Variants in NR2C2 observed in about 807,000 individuals in gnomAD.
NR2C2 encodes Nuclear hormone receptor TR4.
NR2C2 carries 6 observed loss-of-function variants against 62.9 expected under a neutral mutation model. That is an observed-to-expected ratio of 0.10 (90% CI 0.05 to 0.19). NR2C2 has a LOEUF of 0.19. Ranked by LOEUF, NR2C2 falls within the 10% of genes least tolerant of loss-of-function variation. The pLI, the probability that NR2C2 is intolerant of heterozygous loss-of-function variation, is 1.00. For missense variants in NR2C2, 479 were observed against 762.7 expected (o/e 0.63, Z 4.38); for synonymous variants, 272 against 273.8 (o/e 0.99, Z 0.07).
At chr3:14,957,069 T>A (rs2039547749) in intron 1 of NR2C2, among the ~76,000 whole-genome samples, 1 of 152,246 alleles carries the variant, frequency 6.6e-6, no homozygotes, top group Non-Finnish European at 1.5e-5. Context: ...AAATCTTCAC[T>A]ATAACCTCAT....
chr3:14,994,452 T>TG lies in NR2C2; in HGVS notation c.-39-9424_-39-9423insG, dbSNP rs1332947085. 1.9e-3 allele frequency among the ~76,000 whole-genome samples: 273 copies of TG among 143,586 alleles called. 2 individuals carry two copies. Among genetic ancestry groups the TG allele is most frequent in the African/African-American group, 6.5e-3 (251 of 38,658 alleles). The allele number at this position is 143,586 out of a possible 152,430, so 94.2% of individuals were successfully genotyped here. A position where few individuals can be genotyped will look rare whatever the true frequency, so the allele number is the denominator to read the frequency against. ...TGTTTATTCATTCTTTTTTTTTTTT[T>TG]TTTTTTTTTGAGGCAGAGTCTCACC... On this transcript the variant is annotated intron_variant, in intron 1 of 13. Transcript: ENST00000425241.
At position 15,004,412 on chromosome 3, in the gene NR2C2, A is replaced by C. The variant is rs2041108702; in HGVS notation, c.72+426A>C. ...TATTTGCCTCACGAAGTTATTATGA[A>C]GAATCAAAGGGATATTGCTTATAAA... On this transcript the variant is annotated intron_variant, in intron 2 of 13. Coordinates refer to ENST00000425241, the MANE Select transcript of NR2C2 (RefSeq NM_001291694.2). The C allele has an allele frequency of 4.2e-6, 3 of 716,130 alleles. No homozygotes were observed. The East Asian group carries it at 9.3e-5, about 22-fold the overall frequency. The allele number at this position is 716,130 out of a possible 1,614,324, so 44.4% of individuals were successfully genotyped here. A position where few individuals can be genotyped will look rare whatever the true frequency, so the allele number is the denominator to read the frequency against.
intron 11 of NR2C2, among the ~76,000 whole-genome samples, chr3:15,037,187 T>A (rs1173995275): frequency 6.6e-6 from 1 of 151,320 alleles, no homozygotes; most frequent in Non-Finnish European, 1.5e-5. Context: ...GTTTTGTTTT[T>A]TGTTGTGTTA....
At chr3:15,033,287 G>T (rs1024453956) in intron 10 of NR2C2, among the ~76,000 whole-genome samples, 1 of 152,212 alleles carries the variant, frequency 6.6e-6, no homozygotes, top group African/African-American at 2.4e-5. Context: ...GTGCTTGTCA[G>T]CTGTGTGGCC....
rs925769243 is a variant in NR2C2, at chr3:14,947,678, C to G, written c.-268C>G. On this transcript the variant is annotated 5_prime_UTR_variant, in exon 1 of 14. Transcript: ENST00000425241. ...TTTCACTGACAAAAACAATAACAAACCCCCCCTTCTCCGCGACCCCGGCGG... is the reference window on the plus strand; with the variant it reads ...TTTCACTGACAAAAACAATAACAAAGCCCCCCTTCTCCGCGACCCCGGCGG... 5.8e-4 allele frequency: 87 copies of G among 149,888 alleles called. No homozygotes were observed. Among genetic ancestry groups the G allele is most frequent in the Admixed American group, 4.9e-3 (74 of 15,014 alleles). 9.3% of individuals were successfully genotyped at this position (149,888 alleles called of 1,614,324 possible).
At position 15,044,917 on chromosome 3, in the gene NR2C2, G is replaced by T. The variant is rs936556651; in HGVS notation, c.*1909G>T. 1 of 152,208 alleles carries T rather than the reference G, an allele frequency of 6.6e-6. No homozygotes were observed. Among genetic ancestry groups the T allele is most frequent in the African/African-American group, 2.4e-5 (1 of 41,440 alleles). 9.4% of individuals were successfully genotyped at this position (152,208 alleles called of 1,614,324 possible). A position where few individuals can be genotyped will look rare whatever the true frequency, so the allele number is the denominator to read the frequency against. On this transcript the variant is annotated 3_prime_UTR_variant, in exon 14 of 14. Transcript: ENST00000425241. ...TTTCCAACTTCTAAATTCTTGTTTG[G>T]ATTTAATTATATCATTTTATAATTC...
chr3:14,978,481 G>T (rs536964292), intron 1 of NR2C2, among the ~76,000 whole-genome samples: 27 of 152,298 alleles, frequency 1.8e-4, no homozygotes, highest in Non-Finnish European at 3.1e-4. Context: ...TACTGAATGT[G>T]TATTGCTTTT....
At chr3:14,975,053 GTA>G (rs1423246407) in intron 1 of NR2C2, among the ~76,000 whole-genome samples, 1 of 152,180 alleles carries the variant, frequency 6.6e-6, no homozygotes, top group Admixed American at 6.5e-5. Context: ...CATTGTTAGT[GTA>G]TAGAAACGTT....
intron 7 of NR2C2, among the ~76,000 whole-genome samples, chr3:15,024,967 T>C (rs955452741): frequency 2.6e-5 from 4 of 152,296 alleles, no homozygotes; most frequent in South Asian, 4.1e-4. Context: ...CATCCTCTTT[T>C]GGGAAAGAGA....
At chr3:14,982,749 T>A (rs189387511) in intron 1 of NR2C2, among the ~76,000 whole-genome samples, 19 of 152,298 alleles carry the variant, frequency 1.2e-4, no homozygotes, top group African/African-American at 4.6e-4. Flanking sequence ...TTCTTTCTAA[T>A]CCTTATGTTT....
chr3:15,014,400 A>G (rs1171640435), intron 3 of NR2C2, among the ~76,000 whole-genome samples: 1 of 152,132 alleles, frequency 6.6e-6, no homozygotes, highest in Non-Finnish European at 1.5e-5. Context: ...CAACAATTAG[A>G]GAACAGAAAC....
chr3:14,984,545 A>G (rs2040461682), intron 1 of NR2C2, among the ~76,000 whole-genome samples: 1 of 120,562 alleles, frequency 8.3e-6, no homozygotes, highest in South Asian at 2.5e-4. Context: ...ATTTTCTATT[A>G]AAGAAATCAT....
At chr3:15,018,263 C>T (rs1241463885) in intron 4 of NR2C2, among the ~76,000 whole-genome samples, 2 of 152,166 alleles carry the variant, frequency 1.3e-5, no homozygotes, top group Non-Finnish European at 2.9e-5. Context: ...TCCCAAAGTG[C>T]TGGGATTACA....
intron 2 of NR2C2, 54 bp downstream of exon 2, chr3:15,004,040 A>G (rs1201444534): frequency 1.4e-6 from 2 of 1,465,180 alleles, no homozygotes; most frequent in Non-Finnish European, 1.9e-6. Context: ...CTCTTTCCAA[A>G]AACAAACCTT....
Position 15,043,093 on chromosome 3 carries a change from G to A in NR2C2, c.*85G>A. 1 of 1,320,528 alleles carries A rather than the reference G, an allele frequency of 7.6e-7. No individual in the cohort carries two copies. Among genetic ancestry groups the A allele is most frequent in the Non-Finnish European group, 1.0e-6 (1 of 981,346 alleles). 81.8% of individuals were successfully genotyped at this position (1,320,528 alleles called of 1,614,324 possible). On this transcript the variant is annotated 3_prime_UTR_variant, in exon 14 of 14. Coordinates refer to ENST00000425241, the MANE Select transcript of NR2C2 (RefSeq NM_001291694.2). ...GAAAAGTAGTGGTATTTTGGTATGT[G>A]CAAATATTTCCATATGTTAGCCATT...
At chr3:15,037,928 T>C in intron 11 of NR2C2, 72 bp from the exon 12 acceptor site, 1 of 1,454,080 alleles carries the variant, frequency 6.9e-7, no homozygotes, top group Non-Finnish European at 9.4e-7. Context: ...TCTTTCCATA[T>C]GTGGCCCCTC....
chr3:14,969,274 C>G, intron 1 of NR2C2, among the ~76,000 whole-genome samples: 1 of 130,092 alleles, frequency 7.7e-6, no homozygotes, highest in South Asian at 2.4e-4. Context: ...GAAACAGAGT[C>G]TCACTGTGTC....
rs549005801 is a variant in NR2C2, at chr3:14,992,698, A to G, written c.-39-11178A>G. On this transcript the variant is annotated intron_variant, in intron 1 of 13. Coordinates refer to ENST00000425241, the MANE Select transcript of NR2C2 (RefSeq NM_001291694.2). ...CTTTTATTAAATTATTTAGTGTTTA[A>G]TAAAACATTTGTGTGTTCTGCAAGC... 5.9e-5 allele frequency among the ~76,000 whole-genome samples: 9 copies of G among 152,326 alleles called. No homozygotes were observed. The East Asian group carries it at 1.5e-3, about 26-fold the overall frequency.
At chr3:14,980,910 C>G (rs977649895) in intron 1 of NR2C2, among the ~76,000 whole-genome samples, 1 of 152,158 alleles carries the variant, frequency 6.6e-6, no homozygotes, top group African/African-American at 2.4e-5. Flanking sequence ...ACACGGTTCC[C>G]TGTAGCTTTC....
Sources: allele counts gnomAD v4.1 joint callset (sites outside exome capture counted in the v4.1 genomes callset), GRCh38; gene constraint gnomAD v4.1.1; transcripts MANE v1.5; gene names NCBI Gene and HGNC (gene_info 2026-07-23, HGNC 2026-07-21).